VDR: variants seen among roughly 807,000 people sequenced by gnomAD.
The protein encoded by VDR is vitamin D3 receptor.
In VDR, 19 loss-of-function variants were observed where a neutral mutation model predicts 39.7. That is an observed-to-expected ratio of 0.48 (90% CI 0.33 to 0.70). VDR has a LOEUF of 0.70. Ranked by LOEUF, VDR falls within the 30% of genes least tolerant of loss-of-function variation. The pLI, the probability that VDR is intolerant of heterozygous loss-of-function variation, is 0.02. For synonymous variants in VDR, 242 were observed against 215.8 expected, an observed-to-expected ratio of 1.12 and a Z score of -1.07; for missense variants, 442 against 570.5, an observed-to-expected ratio of 0.77 and a Z score of 2.29.
intron 4 of VDR, among the ~76,000 whole-genome samples, chr12:47,857,958 A>G (rs1449845750): frequency 6.6e-6 from 1 of 152,192 alleles, no homozygotes; most frequent in African/African-American, 2.4e-5. Flanking sequence ...TCTCAAGAAC[A>G]AGTTGTGGGA....
intron 7 of VDR, among the ~76,000 whole-genome samples, chr12:47,847,466 T>A (rs1945301882): frequency 6.6e-6 from 1 of 152,116 alleles, no homozygotes; most frequent in Admixed American, 6.5e-5. Context: ...ACTCCCTAAC[T>A]TGGCTCCAAC....
intron 1 of VDR, among the ~76,000 whole-genome samples, chr12:47,885,327 A>G (rs1379588261): frequency 4.5e-4 from 68 of 152,240 alleles, no homozygotes; most frequent in Admixed American, 4.4e-3. Flanking sequence ...AGAAATGAGA[A>G]GATAACACGT....
chr12:47,874,953 G>T (rs567966492), intron 3 of VDR, among the ~76,000 whole-genome samples: 77 of 152,292 alleles, frequency 5.1e-4, no homozygotes, highest in African/African-American at 1.8e-3. Context: ...ATATAGCCAA[G>T]AGGTGTCTGG....
In VDR at chr12:47,842,039, G is replaced by A. The variant is rs575314772; in HGVS notation, c.*2707C>T. On this transcript the variant is annotated 3_prime_UTR_variant, in exon 10 of 10. Coordinates refer to ENST00000549336, the MANE Select transcript of VDR (RefSeq NM_000376.3). The stretch of plus-strand genomic sequence containing the variant: ...GCTCCTAGACTTCCTTTGGAGGAGT[G>A]GCCTAGGTGGTGGGGCCCAGGGCTG... The A allele has an allele frequency of 7.9e-5, 12 of 152,468 alleles. No individual in the cohort carries two copies. The highest frequency in any genetic ancestry group is 2.2e-4 in the African/African-American group (9 of 41,556). 9.4% of individuals were successfully genotyped at this position (152,468 alleles called of 1,614,324 possible).
intron 4 of VDR, among the ~76,000 whole-genome samples, chr12:47,860,119 A>G (rs914809056): frequency 3.3e-5 from 5 of 151,912 alleles, no homozygotes; most frequent in East Asian, 1.9e-4. Flanking sequence ...ACATGCCACC[A>G]TGCCTGGCCA....
intron 3 of VDR, among the ~76,000 whole-genome samples, chr12:47,874,751 G>C (rs188520256): frequency 1.3e-5 from 2 of 152,240 alleles, no homozygotes; most frequent in East Asian, 3.9e-4. Context: ...CTTCATCAAA[G>C]GGGTTCCTCT....
chr12:47,871,325 T>TCTTTCTTTCTTTC (rs1945865601), intron 3 of VDR, among the ~76,000 whole-genome samples: 1 of 144,312 alleles, frequency 6.9e-6, no homozygotes, highest in Admixed American at 7.0e-5. Context: ...TTTCTTTCTT[T>TCTTTCTTTCTTTC]CTTTCTTTCT....
chr12:47,885,505 G>C lies in VDR; in HGVS notation c.-83-2731C>G, dbSNP rs557413601. Among the ~76,000 whole-genome samples the C allele has an allele frequency of 9.0e-4, 137 of 152,364 alleles. 1 individual carries two copies. Among genetic ancestry groups the C allele is most frequent in the African/African-American group, 3.0e-3 (125 of 41,594 alleles). On this transcript the variant is annotated intron_variant, in intron 1 of 9. Coordinates refer to ENST00000549336, the MANE Select transcript of VDR (RefSeq NM_000376.3). ...TGGCAATTGCCAGGTGTCCTGGGCA[G>C]AGCCCTGGGAGGACAAAAATCAAAG...
At chr12:47,885,446 C>T (rs1946234257) in intron 1 of VDR, among the ~76,000 whole-genome samples, 1 of 152,238 alleles carries the variant, frequency 6.6e-6, no homozygotes, top group Admixed American at 6.5e-5. Context: ...ATGGGCATCC[C>T]CGGGGCCATC....
rs1327298965 is a variant in VDR at position 47,843,129 on chromosome 12, T to C, written c.*1617A>G. On this transcript the variant is annotated 3_prime_UTR_variant, in exon 10 of 10. Transcript: ENST00000549336. The stretch of plus-strand genomic sequence containing the variant: ...AATAAATTTAAGATTAAGCGATATA[T>C]ATGCTATTCTGCAGTAAGGAACGTG... 1 of 152,230 alleles carries C rather than the reference T, an allele frequency of 6.6e-6. No individual in the cohort carries two copies. The highest frequency in any genetic ancestry group is 2.4e-5 in the African/African-American group (1 of 41,444). The allele number at this position is 152,230 out of a possible 1,614,324, so 9.4% of individuals were successfully genotyped here. A position where few individuals can be genotyped will look rare whatever the true frequency, so the allele number is the denominator to read the frequency against.
intron 4 of VDR, among the ~76,000 whole-genome samples, chr12:47,858,584 G>A (rs1945545528): frequency 6.6e-6 from 1 of 152,260 alleles, no homozygotes; most frequent in African/African-American, 2.4e-5. Context: ...CCTGTGCTGG[G>A]GCAGCTGTGG....
intron 6 of VDR, among the ~76,000 whole-genome samples, 182 bp from the exon 7 acceptor site, chr12:47,855,983 CA>C (rs1479631330): frequency 1.3e-5 from 2 of 152,196 alleles, no homozygotes; most frequent in Non-Finnish European, 2.9e-5. Context: ...CCTCTTTCAG[CA>C]GCATAAGGCA....
At chr12:47,861,448 C>T (rs1053237178) in intron 4 of VDR, among the ~76,000 whole-genome samples, 4 of 152,176 alleles carry the variant, frequency 2.6e-5, no homozygotes, top group Admixed American at 2.6e-4. Context: ...TGCTTGAGGA[C>T]TGAATAAGTC....
At chr12:47,900,815 C>T (rs527961057) in intron 1 of VDR, among the ~76,000 whole-genome samples, 221 of 152,274 alleles carry the variant, frequency 1.5e-3, no homozygotes, top group African/African-American at 5.0e-3. Flanking sequence ...AACCAACTGC[C>T]GAGTCTGCAC....
intron 1 of VDR, among the ~76,000 whole-genome samples, chr12:47,883,651 ACT>A (rs964255347): frequency 1.3e-5 from 2 of 152,046 alleles, no homozygotes; most frequent in African/African-American, 2.4e-5. Context: ...ACAAACACAC[ACT>A]TCTTTCCTTC....
chr12:47,871,288 C>A lies in VDR; in HGVS notation c.147-6111G>T, dbSNP rs1012726034. On this transcript the variant is annotated intron_variant, in intron 3 of 9. Transcript: ENST00000549336. ...GTTTCTTTCTTTTCTCTTTCTTTCT[C>A]TTTCTCTTTCTTTCTTTCTTTCTTT... 2.3e-4 allele frequency among the ~76,000 whole-genome samples: 24 copies of A among 104,932 alleles called. 1 individual carries two copies. Among genetic ancestry groups the A allele is most frequent in the African/African-American group, 7.3e-4 (23 of 31,714 alleles). 68.8% of individuals were successfully genotyped at this position (104,932 alleles called of 152,430 possible).
chr12:47,882,391 G>A (rs895361459), intron 2 of VDR, among the ~76,000 whole-genome samples: 25 of 152,148 alleles, frequency 1.6e-4, no homozygotes, highest in Non-Finnish European at 1.5e-5. Context: ...GACTAAAGAA[G>A]GCAGCAAAGA....
intron 7 of VDR, among the ~76,000 whole-genome samples, chr12:47,854,328 T>C (rs1945442359): frequency 6.6e-6 from 1 of 152,018 alleles, no homozygotes; most frequent in African/African-American, 2.4e-5. Context: ...GGTCTCACTA[T>C]GTTGATCAGG....
chr12:47,862,701 C>T (rs1945649891), intron 4 of VDR, among the ~76,000 whole-genome samples: 2 of 152,172 alleles, frequency 1.3e-5, no homozygotes, highest in African/African-American at 2.4e-5. Context: ...AATATTGAGA[C>T]ACTCAATTGT....
Sources: allele counts gnomAD v4.1 joint callset (sites outside exome capture counted in the v4.1 genomes callset), GRCh38; gene constraint gnomAD v4.1.1; transcripts MANE v1.5; gene names NCBI Gene and HGNC (gene_info 2026-07-23, HGNC 2026-07-21).